TXLNB: variants seen among roughly 807,000 people sequenced by gnomAD.
The protein encoded by TXLNB is taxilin beta, also known as beta-taxilin.
A neutral mutation model predicts 57.4 loss-of-function variants in TXLNB; 37 were observed. That is an observed-to-expected ratio of 0.64 (90% confidence interval 0.50 to 0.85). The LOEUF is 0.85. TXLNB is among the 40% of genes least tolerant of loss of function. The pLI is 0.00. For synonymous variants in TXLNB, 302 were observed against 309.6 expected (o/e 0.98, Z 0.26); for missense variants, 848 against 825.6 (o/e 1.03, Z -0.33).
intron 4 of TXLNB, among the ~76,000 whole-genome samples, chr6:139,268,001 A>G (rs960048687): frequency 6.6e-6 from 1 of 152,024 alleles, no homozygotes; most frequent in East Asian, 1.9e-4. Flanking sequence ...AAATACAAAA[A>G]TTAGCCAGGC....
chr6:139,274,655 A>G, intron 3 of TXLNB, among the ~76,000 whole-genome samples: 1 of 152,178 alleles, frequency 6.6e-6, no homozygotes, highest in East Asian at 1.9e-4. Context: ...CAGGATGAAC[A>G]ACCCTGGCTC....
Position 139,276,846 on chromosome 6 carries a change from T to C in TXLNB, c.500A>G (p.Lys167Arg). The C allele has an allele frequency of 6.2e-7, 1 of 1,607,480 alleles. No homozygotes were observed. Among genetic ancestry groups the C allele is most frequent in the Non-Finnish European group, 8.5e-7 (1 of 1,178,084 alleles). ...TPEEKFDFLF[K>R]KYAELLDEHR... ...AGATCTTACCAATTCAGCATACTTC[T>C]TGAATAAAAAATCAAACTTTTCTTC... Residue 167 changes from lysine (K) to arginine (R), a missense_variant, in exon 3 of 10, where the codon AAG (lysine) becomes AGG (arginine). Transcript: ENST00000358430.
At chr6:139,306,115 C>T in the TXLNB span, among the ~76,000 whole-genome samples, 12 of 152,264 alleles carry the variant, frequency 7.9e-5, no homozygotes, top group Admixed American at 2.6e-4. Context: ...TCTCAGTATA[C>T]TCAATACAGT....
chr6:139,186,271 ACT>A, the TXLNB span, among the ~76,000 whole-genome samples: 1 of 152,220 alleles, frequency 6.6e-6, no homozygotes, highest in Non-Finnish European at 1.5e-5. Context: ...CTCAAAAGAT[ACT>A]GTTAGGAGAA....
chr6:139,161,731 C>T, the TXLNB span, among the ~76,000 whole-genome samples: 4 of 152,172 alleles, frequency 2.6e-5, no homozygotes, highest in African/African-American at 7.2e-5. Flanking sequence ...GTTAGATCTT[C>T]CTTTGACCTA....
At chr6:139,171,600 C>T in the TXLNB span, among the ~76,000 whole-genome samples, 14 of 152,132 alleles carry the variant, frequency 9.2e-5, no homozygotes, top group African/African-American at 3.4e-4. Flanking sequence ...CAATTACTGA[C>T]CACACATTCT....
chr6:139,303,433 A>G, the TXLNB span, among the ~76,000 whole-genome samples: 6 of 152,204 alleles, frequency 3.9e-5, no homozygotes, highest in Non-Finnish European at 7.3e-5. Context: ...TGAGGGAATA[A>G]GGAAATGTTG....
At chr6:139,320,058 T>C in the TXLNB span, among the ~76,000 whole-genome samples, 17 of 152,206 alleles carry the variant, frequency 1.1e-4, no homozygotes, top group Admixed American at 5.2e-4. Flanking sequence ...TTTTATATCT[T>C]GTTTTAAATT....
At chr6:139,228,248 G>A in the TXLNB span, among the ~76,000 whole-genome samples, 169 of 152,232 alleles carry the variant, frequency 1.1e-3, 5 homozygotes, top group South Asian at 0.034. Context: ...GGGCGCAGTG[G>A]CTCACACCTG....
chr6:139,205,159 C>T, the TXLNB span, among the ~76,000 whole-genome samples: 14 of 152,238 alleles, frequency 9.2e-5, no homozygotes, highest in Non-Finnish European at 1.3e-4. Flanking sequence ...CTCTTGCAAG[C>T]GCCACCTCCT....
downstream of TXLNB, among the ~76,000 whole-genome samples, chr6:139,235,670 G>T (rs576504021): frequency 6.6e-6 from 1 of 152,102 alleles, no homozygotes; most frequent in South Asian, 2.1e-4. Context: ...GTAGAGAAAG[G>T]CAGGGTCCCT....
chr6:139,167,476 C>A, the TXLNB span: 2 of 678,272 alleles, frequency 2.9e-6, no homozygotes, highest in Non-Finnish European at 4.8e-6. Flanking sequence ...CAGCTTCGCC[C>A]AGTGACGCGG....
At chr6:139,238,725 A>T (rs899177188), downstream of TXLNB, among the ~76,000 whole-genome samples, 3 of 152,240 alleles carry the variant, frequency 2.0e-5, no homozygotes, top group African/African-American at 7.2e-5. Context: ...AACCTTGTGA[A>T]AATTGAACCC....
chr6:139,256,152 A>T (rs1776331584), intron 6 of TXLNB, among the ~76,000 whole-genome samples: 1 of 152,118 alleles, frequency 6.6e-6, no homozygotes. Context: ...ACTATAAACT[A>T]GTGGTTTTAA....
chr6:139,183,619 C>T, the TXLNB span: 6 of 152,112 alleles, frequency 3.9e-5, no homozygotes, highest in African/African-American at 1.4e-4. Context: ...ACACTTTTAC[C>T]AGATATGTTA....
intron 4 of TXLNB, among the ~76,000 whole-genome samples, chr6:139,270,140 A>G (rs1403964008): frequency 2.0e-5 from 3 of 152,194 alleles, no homozygotes; most frequent in Non-Finnish European, 4.4e-5. Flanking sequence ...TCAACATAAT[A>G]GAAAGGTAAG....
At chr6:139,316,617 A>G in the TXLNB span, among the ~76,000 whole-genome samples, 1 of 152,206 alleles carries the variant, frequency 6.6e-6, no homozygotes, top group Non-Finnish European at 1.5e-5. Context: ...AGTCTTCCTT[A>G]CTGTGCTTTA....
At chr6:139,281,011 A>G (rs1047987044) in intron 2 of TXLNB, among the ~76,000 whole-genome samples, 3 of 152,206 alleles carry the variant, frequency 2.0e-5, no homozygotes, top group Non-Finnish European at 2.9e-5. Flanking sequence ...CCTGGGTTCC[A>G]GAACCAACTC....
chr6:139,293,129 G>A (rs1247159233), upstream of TXLNB, among the ~76,000 whole-genome samples: 3 of 152,014 alleles, frequency 2.0e-5, no homozygotes, highest in Non-Finnish European at 4.4e-5. Context: ...ACAGAGTCTC[G>A]CTCTGTCACT....
Sources: gnomAD v4.1 joint callset for allele counts (sites outside exome capture counted in the v4.1 genomes callset) on GRCh38, gnomAD v4.1.1 for gene constraint, MANE v1.5 for transcripts, NCBI Gene and HGNC (gene_info 2026-07-23, HGNC 2026-07-21) for gene names.